The following ITPR2 variants were observed in gnomAD, a reference collection of about 807,000 sequenced individuals.
The protein encoded by ITPR2 is inositol 1,4,5-trisphosphate-gated calcium channel ITPR2.
Under a neutral mutation model 317.1 loss-of-function variants are expected in ITPR2, and 207 were observed. The observed-to-expected ratio is 0.65, with a 90% CI of 0.58 to 0.73. The LOEUF (loss-of-function observed/expected upper bound fraction) is 0.73. ITPR2 is among the 30% of genes least tolerant of loss of function. The pLI, the probability that ITPR2 is intolerant of heterozygous loss-of-function variation, is 0.00. For missense variants in ITPR2, 2,613 were observed against 3,284.0 expected (o/e 0.80, Z 4.99); for synonymous variants, 1,156 against 1,149.1 (o/e 1.01, Z -0.12).
At chr12:26,666,885 C>T (rs1031049212) in intron 13 of ITPR2, among the ~76,000 whole-genome samples, 4 of 151,978 alleles carry the variant, frequency 2.6e-5, no homozygotes, top group Non-Finnish European at 4.4e-5. Context: ...TTGTGTTAGT[C>T]GATTGAGGGA....
intron 1 of ITPR2, among the ~76,000 whole-genome samples, chr12:26,807,294 T>C (rs1213452644): frequency 6.6e-6 from 1 of 152,236 alleles, no homozygotes; most frequent in African/African-American, 2.4e-5. Flanking sequence ...ATTTGAAATC[T>C]TAGTCATTGA....
chr12:26,811,273 C>T (rs1213968598), intron 1 of ITPR2, among the ~76,000 whole-genome samples: 1 of 152,128 alleles, frequency 6.6e-6, no homozygotes, highest in African/African-American at 2.4e-5. Context: ...ACATTTTCTT[C>T]CTATTTGCAT....
At chr12:26,741,641 C>T (rs1345490554) in intron 2 of ITPR2, among the ~76,000 whole-genome samples, 1 of 152,158 alleles carries the variant, frequency 6.6e-6, no homozygotes, top group African/African-American at 2.4e-5. Flanking sequence ...TGGAGGTCGA[C>T]AAATCCCCTG....
intron 37 of ITPR2, among the ~76,000 whole-genome samples, chr12:26,541,736 T>A (rs560807939): frequency 6.6e-6 from 1 of 152,324 alleles, no homozygotes; most frequent in Admixed American, 6.5e-5. Flanking sequence ...ACATGCATAT[T>A]TGATGTAGGA....
intron 45 of ITPR2, among the ~76,000 whole-genome samples, chr12:26,474,372 T>C (rs1379324071): frequency 6.6e-6 from 1 of 152,252 alleles, no homozygotes; most frequent in Non-Finnish European, 1.5e-5. Context: ...TTTAAAATGT[T>C]TAACTTCTAA....
At chr12:26,641,142 C>G (rs908156149) in intron 21 of ITPR2, among the ~76,000 whole-genome samples, 2 of 151,960 alleles carry the variant, frequency 1.3e-5, no homozygotes, top group African/African-American at 4.8e-5. Context: ...TACTTAGCTT[C>G]AAGAGATCTT....
In ITPR2 at chr12:26,483,861, T is replaced by C. The variant is rs557303177; in HGVS notation, c.5849A>G (p.Asn1950Ser). ...LRNQNNKTNY[N>S]LVCETLQFLD... The stretch of plus-strand genomic sequence containing the variant: ...AAACTGAAGGGTCTCACAGACTAGG[T>C]TGTAATTTGTTTTGTTGTTTTGATT... Residue 1950 changes from asparagine (N) to serine (S), a missense_variant, in exon 42 of 57, where the codon AAC (asparagine) becomes AGC (serine). This residue lies in a region of ITPR2 where 926 missense variants were observed against 1,072.8 expected (regional missense o/e 0.86). Transcript: ENST00000381340. 5.6e-6 allele frequency: 9 copies of C among 1,614,190 alleles called. No homozygotes were observed. In the African/African-American group the frequency reaches 9.3e-5, roughly 17 times the overall value.
intron 34 of ITPR2, among the ~76,000 whole-genome samples, chr12:26,575,866 T>C (rs984931188): frequency 3.3e-5 from 5 of 152,326 alleles, no homozygotes; most frequent in Non-Finnish European, 5.9e-5. Context: ...ATTTCACTTG[T>C]GGCTCCAAGT....
At chr12:26,517,437 A>G (rs1168055581) in intron 37 of ITPR2, among the ~76,000 whole-genome samples, 1 of 152,248 alleles carries the variant, frequency 6.6e-6, no homozygotes, top group African/African-American at 2.4e-5. Context: ...GCCAACAAGC[A>G]TATGAAAAAA....
At chr12:26,409,804 G>C (rs574839127) in intron 52 of ITPR2, among the ~76,000 whole-genome samples, 1 of 152,232 alleles carries the variant, frequency 6.6e-6, no homozygotes, top group East Asian at 1.9e-4. Context: ...AACTGGAAGG[G>C]ACCTGAAACC....
chr12:26,692,687 T>C (rs1282469225), intron 10 of ITPR2, among the ~76,000 whole-genome samples: 1 of 152,156 alleles, frequency 6.6e-6, no homozygotes. Context: ...ATTTGTGTCT[T>C]AATGGGAGCT....
intron 34 of ITPR2, among the ~76,000 whole-genome samples, chr12:26,565,551 T>TA (rs1944935234): frequency 6.6e-6 from 1 of 151,868 alleles, no homozygotes; most frequent in Non-Finnish European, 1.5e-5. Flanking sequence ...GATAGATAGA[T>TA]AATCTGGCTT....
At chr12:26,446,749 A>AAAC (rs4037541) in intron 45 of ITPR2, among the ~76,000 whole-genome samples, 4 of 150,940 alleles carry the variant, frequency 2.7e-5, no homozygotes, top group South Asian at 2.1e-4. Context: ...AAAAAAAAAA[A>AAAC]CACCCACCTA....
At chr12:26,723,885 G>C (rs1411955617) in intron 4 of ITPR2, among the ~76,000 whole-genome samples, 1 of 152,104 alleles carries the variant, frequency 6.6e-6, no homozygotes, top group Non-Finnish European at 1.5e-5. Flanking sequence ...TTGGCTCTGT[G>C]CTGCGGATCT....
At chr12:26,442,010 T>C (rs1941498255) in intron 46 of ITPR2, among the ~76,000 whole-genome samples, 1 of 152,090 alleles carries the variant, frequency 6.6e-6, no homozygotes, top group African/African-American at 2.4e-5. Flanking sequence ...CCATCTTCGA[T>C]ATCACCTCTC....
At chr12:26,576,922 A>G (rs983966615) in intron 34 of ITPR2, among the ~76,000 whole-genome samples, 4 of 152,194 alleles carry the variant, frequency 2.6e-5, no homozygotes, top group Non-Finnish European at 4.4e-5. Flanking sequence ...TGCTGTTATG[A>G]GTGGATTAAT....
At chr12:26,395,039 G>A (rs1372153271) in intron 54 of ITPR2, among the ~76,000 whole-genome samples, 1 of 152,072 alleles carries the variant, frequency 6.6e-6, no homozygotes, top group Non-Finnish European at 1.5e-5. Flanking sequence ...TTTGGCTGCC[G>A]GGAAGACATG....
chr12:26,443,792 T>C lies in ITPR2; in HGVS notation c.6343-142A>G, dbSNP rs118002803. ...ATTAGTTACACTTCAGGAAAGCATG[T>C]CTGTATTTGAAAGGCAGAGATAATG... On this transcript the variant is annotated intron_variant, in intron 45 of 56. Coordinates refer to ENST00000381340, the MANE Select transcript of ITPR2 (RefSeq NM_002223.4). 1,362 of 568,702 alleles carry C rather than the reference T, an allele frequency of 2.4e-3. 7 individuals are homozygous for C. Among genetic ancestry groups the C allele is most frequent in the Non-Finnish European group, 2.9e-3 (937 of 317,706 alleles). The allele number at this position is 568,702 out of a possible 1,614,324, so 35.2% of individuals were successfully genotyped here.
chr12:26,391,497 C>T (rs1164237452), intron 54 of ITPR2, among the ~76,000 whole-genome samples: 1 of 149,652 alleles, frequency 6.7e-6, no homozygotes, highest in African/African-American at 2.5e-5. Context: ...AAGCTTTAAA[C>T]TCAAAGCTAA....
Sources: allele counts gnomAD v4.1 joint callset (sites outside exome capture counted in the v4.1 genomes callset), GRCh38; gene constraint gnomAD v4.1.1; regional missense constraint gnomAD v4.1.1; transcripts MANE v1.5; gene names NCBI Gene and HGNC (gene_info 2026-07-23, HGNC 2026-07-21).